DENND4C: variants seen among roughly 807,000 people sequenced by gnomAD.
DENND4C encodes DENN domain-containing protein 4C.
A neutral mutation model predicts 203.0 loss-of-function variants in DENND4C; 108 were observed. That is an observed-to-expected ratio of 0.53 (90% CI 0.46 to 0.62). DENND4C has a LOEUF of 0.62. Among genes scored for constraint, DENND4C ranks in the 20% least tolerant of loss-of-function variants. The pLI is 0.00. For missense variants in DENND4C, 2,481 were observed against 2,301.2 expected, an observed-to-expected ratio of 1.08 and a Z score of -1.60; for synonymous variants, 871 against 792.4, an observed-to-expected ratio of 1.10 and a Z score of -1.67.
At chr9:19,341,493 A>G (rs1164527925) in intron 21 of DENND4C, among the ~76,000 whole-genome samples, 1 of 151,584 alleles carries the variant, frequency 6.6e-6, no homozygotes, top group Non-Finnish European at 1.5e-5. Context: ...TATGTTTTGT[A>G]GAGACAAGGT....
chr9:19,269,722 C>T (rs138122645), intron 1 of DENND4C, among the ~76,000 whole-genome samples: 304 of 152,300 alleles, frequency 2.0e-3, no homozygotes, highest in African/African-American at 6.8e-3. Flanking sequence ...TCTGAAAGGT[C>T]ACACATGTCT....
chr9:19,322,744 A>T (rs867682309), intron 12 of DENND4C, among the ~76,000 whole-genome samples: 5 of 151,468 alleles, frequency 3.3e-5, no homozygotes, highest in East Asian at 1.9e-4. Flanking sequence ...AAAAAAAAAA[A>T]AAAAAAATAA....
intron 1 of DENND4C, among the ~76,000 whole-genome samples, chr9:19,256,871 C>T (rs1828101277): frequency 6.6e-6 from 1 of 151,600 alleles, no homozygotes; most frequent in Admixed American, 6.6e-5. Flanking sequence ...GAGATCGAGA[C>T]CATCCTGGCT....
At chr9:19,333,444 G>A (rs117930504) in intron 17 of DENND4C, among the ~76,000 whole-genome samples, 2,869 of 152,200 alleles carry the variant, frequency 0.019, 51 homozygotes, top group Non-Finnish European at 0.023. Flanking sequence ...CATTGTGTAG[G>A]ATGTTTAGTA....
At chr9:19,272,614 T>C (rs1317123038) in intron 1 of DENND4C, among the ~76,000 whole-genome samples, 1 of 151,992 alleles carries the variant, frequency 6.6e-6, no homozygotes, top group Non-Finnish European at 1.5e-5. Flanking sequence ...TGTAAAAAAA[T>C]GAATCTTCAT....
At position 19,338,177 on chromosome 9, in the gene DENND4C, T is replaced by C. The variant is rs191897161; in HGVS notation, c.2881+1345T>C. ...TTATATTAACAAATAAGAATTTTTATGAAACTTTTATTTTAAAGCCACCAT... is the reference window on the plus strand; with the variant it reads ...TTATATTAACAAATAAGAATTTTTACGAAACTTTTATTTTAAAGCCACCAT... On this transcript the variant is annotated intron_variant, in intron 20 of 32. Transcript: ENST00000434457. Among the ~76,000 whole-genome samples, 131 of 152,330 alleles carry C rather than the reference T, an allele frequency of 8.6e-4. 1 individual carries two copies. Among genetic ancestry groups the C allele is most frequent in the African/African-American group, 3.0e-3 (125 of 41,568 alleles).
At chr9:19,341,533 C>G (rs909080519) in intron 21 of DENND4C, among the ~76,000 whole-genome samples, 2 of 151,880 alleles carry the variant, frequency 1.3e-5, no homozygotes, top group Non-Finnish European at 2.9e-5. Flanking sequence ...TAGTCTTGAC[C>G]TACTGAGCTC....
chr9:19,234,093 T>G (rs1821264309), intron 1 of DENND4C, among the ~76,000 whole-genome samples: 1 of 152,244 alleles, frequency 6.6e-6, no homozygotes, highest in Non-Finnish European at 1.5e-5. Context: ...TAATTTAACA[T>G]GCTTTCCCTG....
At chr9:19,300,566 A>T (rs572449030) in intron 9 of DENND4C, among the ~76,000 whole-genome samples, 2 of 152,204 alleles carry the variant, frequency 1.3e-5, no homozygotes, top group Non-Finnish European at 2.9e-5. Context: ...CCAATTTTTC[A>T]TATTTTTGAG....
chr9:19,371,199 T>C (rs1828773554), intron 31 of DENND4C, among the ~76,000 whole-genome samples: 2 of 152,236 alleles, frequency 1.3e-5, no homozygotes, highest in South Asian at 4.1e-4. Flanking sequence ...AGCTCACTTT[T>C]AGTGTTTCAT....
intron 10 of DENND4C, among the ~76,000 whole-genome samples, chr9:19,314,368 C>T (rs1359496083): frequency 6.6e-6 from 1 of 151,964 alleles, no homozygotes; most frequent in African/African-American, 2.4e-5. Context: ...GCAGGAGAAT[C>T]GCTTGAACCT....
intron 2 of DENND4C, among the ~76,000 whole-genome samples, chr9:19,279,596 G>T (rs923546597): frequency 6.6e-6 from 1 of 151,886 alleles, no homozygotes; most frequent in Non-Finnish European, 1.5e-5. Flanking sequence ...AGAATCACTT[G>T]AACCCAGGAG....
intron 26 of DENND4C, among the ~76,000 whole-genome samples, chr9:19,354,627 C>T (rs999286648): frequency 2.8e-5 from 4 of 144,476 alleles, no homozygotes; most frequent in African/African-American, 1.0e-4. Context: ...CAATCTTGGC[C>T]TACAACGTCT....
At chr9:19,268,018 C>A (rs7023438) in intron 1 of DENND4C, among the ~76,000 whole-genome samples, 3 of 151,610 alleles carry the variant, frequency 2.0e-5, no homozygotes, top group Non-Finnish European at 4.4e-5. Flanking sequence ...TCCCATCTTC[C>A]TTTATGGGAA....
intron 2 of DENND4C, among the ~76,000 whole-genome samples, chr9:19,285,939 A>T (rs984048520): frequency 2.6e-5 from 4 of 152,154 alleles, no homozygotes; most frequent in Admixed American, 2.6e-4. Flanking sequence ...ATGCCAATAC[A>T]TTGCACTGAT....
chr9:19,321,937 A>G (rs1842954208), intron 12 of DENND4C, among the ~76,000 whole-genome samples: 1 of 152,034 alleles, frequency 6.6e-6, no homozygotes, highest in African/African-American at 2.4e-5. Context: ...TTGTCCTTAG[A>G]TAGGAGGAGG....
intron 2 of DENND4C, among the ~76,000 whole-genome samples, chr9:19,277,168 A>G (rs1434672974): frequency 6.6e-6 from 1 of 152,142 alleles, no homozygotes; most frequent in African/African-American, 2.4e-5. Context: ...TTACTAAAAT[A>G]TAGATATTTG....
At chr9:19,367,626 C>T (rs1588998290) in intron 30 of DENND4C, among the ~76,000 whole-genome samples, 1 of 152,334 alleles carries the variant, frequency 6.6e-6, no homozygotes, top group East Asian at 1.9e-4. Context: ...GTAGTCCCAG[C>T]TACTTGGGAG....
chr9:19,365,619 T>A (rs1799074619), intron 30 of DENND4C, among the ~76,000 whole-genome samples: 2 of 150,568 alleles, frequency 1.3e-5, no homozygotes, highest in Admixed American at 1.3e-4. Flanking sequence ...ATATGATAAA[T>A]GATATTTATT....
Sources: gnomAD v4.1 joint callset for allele counts (sites outside exome capture counted in the v4.1 genomes callset) on GRCh38, gnomAD v4.1.1 for gene constraint, MANE v1.5 for transcripts, NCBI Gene and HGNC (gene_info 2026-07-23, HGNC 2026-07-21) for gene names.